Variants in CDCA2 observed in about 807,000 individuals in gnomAD.
The protein encoded by CDCA2 is cell division cycle associated 2, also known as cell division cycle-associated protein 2.
In CDCA2, 44 loss-of-function variants were observed where a neutral mutation model predicts 67.0. The observed-to-expected ratio is 0.66, with a 90% CI of 0.52 to 0.84. CDCA2 has a LOEUF of 0.84. Ranked by LOEUF, CDCA2 falls within the 40% of genes least tolerant of loss-of-function variation. The pLI, the probability that CDCA2 is intolerant of heterozygous loss-of-function variation, is 0.00. For missense variants in CDCA2, 1,253 were observed against 1,203.2 expected (o/e 1.04, Z -0.61); for synonymous variants, 447 against 418.7 (o/e 1.07, Z -0.82).
chr8:25,462,261 C>CT, intron 4 of CDCA2, 53 bp downstream of exon 4: 1 of 1,557,608 alleles, frequency 6.4e-7, no homozygotes, highest in Non-Finnish European at 8.8e-7. Flanking sequence ...AGCTTTTGTG[C>CT]TTTCTTTACA....
chr8:25,461,016 C>G (rs932533341), intron 3 of CDCA2, among the ~76,000 whole-genome samples: 4 of 152,022 alleles, frequency 2.6e-5, no homozygotes. Flanking sequence ...GCCCGTAATC[C>G]CAGCGCTTTG....
At chr8:25,490,868 G>A (rs78639117) in intron 13 of CDCA2, among the ~76,000 whole-genome samples, 50 of 152,284 alleles carry the variant, frequency 3.3e-4, no homozygotes, top group African/African-American at 1.1e-3. Context: ...GAGCTGGAAA[G>A]CAGAGGAAAC....
intron 14 of CDCA2, among the ~76,000 whole-genome samples, chr8:25,504,644 T>G (rs1804606779): frequency 6.6e-6 from 1 of 152,204 alleles, no homozygotes; most frequent in African/African-American, 2.4e-5. Flanking sequence ...CACAGGAGTT[T>G]AAATAAACAG....
chr8:25,466,779 A>T lies in CDCA2; in HGVS notation c.538+454A>T, dbSNP rs1435053320. Among the ~76,000 whole-genome samples, 5 of 152,298 alleles carry T rather than the reference A, an allele frequency of 3.3e-5. No homozygotes were observed. The East Asian group carries it at 7.7e-4, about 24-fold the overall frequency. ...TATATTCAGCCAGGCGCGGTGGCTC[A>T]TGCCTGTAATTCCAGCACTTTGGGA... On this transcript the variant is annotated intron_variant, in intron 5 of 14. Coordinates refer to ENST00000330560, the MANE Select transcript of CDCA2 (RefSeq NM_152562.4).
chr8:25,482,922 A>T (rs944224457), intron 8 of CDCA2, among the ~76,000 whole-genome samples: 4 of 152,194 alleles, frequency 2.6e-5, no homozygotes, highest in African/African-American at 9.6e-5. Context: ...ACATTGTATT[A>T]GGTATTATAA....
intron 13 of CDCA2, among the ~76,000 whole-genome samples, chr8:25,489,205 C>T (rs1322429786): frequency 3.9e-5 from 6 of 152,150 alleles, no homozygotes; most frequent in Admixed American, 2.6e-4. Flanking sequence ...TTTTCCTTCT[C>T]CAGCTCAGTG....
rs1236660171 is a variant in CDCA2, at chr8:25,507,289, G to A, written c.2623G>A (p.Asp875Asn). ...TTCTGAACTGTTTAAAGATTTGTCT[G>A]ATGCCATTGAGCAAACCTTTCAGAG... ...ENSELFKDLS[D>N]AIEQTFQRRN... Residue 875 changes from aspartate to asparagine, a missense_variant, in exon 15 of 15, where the codon GAT becomes AAT. Physicochemically the swap from Asp to Asn is conservative, Grantham distance 23. Transcript: ENST00000330560. 1 of 1,614,046 alleles carries A rather than the reference G, an allele frequency of 6.2e-7. No homozygotes were observed. Among genetic ancestry groups the A allele is most frequent in the Non-Finnish European group, 8.5e-7 (1 of 1,180,036 alleles).
intron 7 of CDCA2, among the ~76,000 whole-genome samples, chr8:25,471,933 T>C (rs1803169462): frequency 6.6e-6 from 1 of 152,168 alleles, no homozygotes; most frequent in Admixed American, 6.5e-5. Context: ...TGGTGTTGAT[T>C]TCTGTATTTT....
chr8:25,471,954 G>GT (rs1803170365), intron 7 of CDCA2, among the ~76,000 whole-genome samples: 1 of 152,160 alleles, frequency 6.6e-6, no homozygotes, highest in Non-Finnish European at 1.5e-5. Context: ...AAACTGCGTT[G>GT]TTTTTTGGTG....
At chr8:25,479,819 C>T (rs1803496415) in intron 7 of CDCA2, 94 bp from the exon 8 acceptor site, 1 of 1,138,896 alleles carries the variant, frequency 8.8e-7, no homozygotes, top group Admixed American at 1.9e-5. Flanking sequence ...TTCTTCATAG[C>T]ATGTTATTAT....
At chr8:25,483,791 C>T (rs1249702016) in intron 9 of CDCA2, among the ~76,000 whole-genome samples, 175 bp from the exon 10 acceptor site, 1 of 152,122 alleles carries the variant, frequency 6.6e-6, no homozygotes, top group Non-Finnish European at 1.5e-5. Flanking sequence ...TGGAAATGTG[C>T]TTATCTTCTC....
At chr8:25,484,587 T>C (rs1299877267) in intron 10 of CDCA2, among the ~76,000 whole-genome samples, 2 of 138,396 alleles carry the variant, frequency 1.4e-5, no homozygotes, top group African/African-American at 2.9e-5. Flanking sequence ...TAGGTATAGA[T>C]GATTTTTTTT....
chr8:25,487,252 A>G lies in CDCA2; in HGVS notation c.1451A>G (p.Asp484Gly). 1.2e-6 allele frequency: 2 copies of G among 1,609,538 alleles called. No individual in the cohort carries two copies. The highest frequency in any genetic ancestry group is 2.2e-5 in the South Asian group (2 of 90,744). ...SSISETLSGTDTFSSSNNHEK... is the reference protein window; with the variant it reads ...SSISETLSGTGTFSSSNNHEK... Reference sequence around the variant, plus strand: ...CTTTTGTCTTGTTTATCAGGCACTGATACCTTTAGTTCTTCAAATAACCAT... The same window carrying G: ...CTTTTGTCTTGTTTATCAGGCACTGGTACCTTTAGTTCTTCAAATAACCAT... Residue 484 changes from aspartate to glycine, a missense_variant, in exon 12 of 15, where the codon GAT becomes GGT. Asp to Gly is a moderately conservative substitution (Grantham distance 94). Coordinates refer to ENST00000330560, the MANE Select transcript of CDCA2 (RefSeq NM_152562.4).
chr8:25,484,325 A>G, intron 10 of CDCA2, 115 bp downstream of exon 10: 6 of 1,339,834 alleles, frequency 4.5e-6, no homozygotes, highest in Admixed American at 4.5e-5. Context: ...ATGATATGCC[A>G]TGGTTTAAAT....
At chr8:25,495,092 A>G (rs1804162122) in intron 13 of CDCA2, among the ~76,000 whole-genome samples, 1 of 152,214 alleles carries the variant, frequency 6.6e-6, no homozygotes, top group African/African-American at 2.4e-5. Flanking sequence ...CCCTTTGTCT[A>G]AGAAAGTAGA....
chr8:25,498,270 C>T (rs371228054), intron 13 of CDCA2, among the ~76,000 whole-genome samples: 19 of 152,148 alleles, frequency 1.2e-4, no homozygotes, highest in African/African-American at 4.1e-4. Context: ...TTCAGTGGCA[C>T]GATCTCGGCT....
chr8:25,472,970 T>C (rs1244764945), intron 7 of CDCA2, among the ~76,000 whole-genome samples: 1 of 152,204 alleles, frequency 6.6e-6, no homozygotes, highest in Non-Finnish European at 1.5e-5. Context: ...CTTATCTATC[T>C]GAAACCTTGT....
chr8:25,496,304 A>G (rs1398072836), intron 13 of CDCA2, among the ~76,000 whole-genome samples: 1 of 152,180 alleles, frequency 6.6e-6, no homozygotes, highest in African/African-American at 2.4e-5. Context: ...GACACTTTAG[A>G]AGCTTGCTAG....
Position 25,466,274 on chromosome 8 carries a change from G to A in CDCA2, c.487G>A (p.Gly163Ser), listed in dbSNP as rs115263296. ...CATAAAGGAAAACGAGAAAATGACC[G>A]GCTGTCTGGAATTCTCAGAGGCAGG... is the stretch of plus-strand genomic sequence containing the variant. ...HSIKENEKMT[G>S]CLEFSEAGKE... Residue 163 changes from glycine to serine, a missense_variant, in exon 5 of 15, where the codon GGC (glycine) becomes AGC (serine). By Grantham distance (56) the Gly-to-Ser change is moderately conservative. Transcript: ENST00000330560. 577 of 1,610,174 alleles carry A rather than the reference G, an allele frequency of 3.6e-4. 1 individual carries two copies. The East Asian group carries it at 0.011, about 29-fold the overall frequency.
Sources: gnomAD v4.1 joint callset for allele counts (sites outside exome capture counted in the v4.1 genomes callset) on GRCh38, gnomAD v4.1.1 for gene constraint, MANE v1.5 for transcripts, NCBI Gene and HGNC (gene_info 2026-07-23, HGNC 2026-07-21) for gene names.